Variants in KIF25 observed in about 807,000 individuals in gnomAD.
KIF25 encodes kinesin family member 25.
Under a neutral mutation model 32.9 loss-of-function variants are expected in KIF25, and 19 were observed. The ratio of observed to expected loss-of-function variants is 0.58; its 90% CI spans 0.40 to 0.85. The LOEUF is 0.85. Ranked by LOEUF, KIF25 falls within the 40% of genes least tolerant of loss-of-function variation. The pLI is 0.00. For synonymous variants in KIF25, 225 were observed against 213.7 expected (o/e 1.05, Z -0.46); for missense variants, 485 against 507.0 (o/e 0.96, Z 0.42).
At chr6:168,038,264 A>G (rs537160783) in intron 8 of KIF25, among the ~76,000 whole-genome samples, 1 of 152,236 alleles carries the variant, frequency 6.6e-6, no homozygotes, top group Non-Finnish European at 1.5e-5. Flanking sequence ...TGGGATAGTC[A>G]GGCTTCTTCG....
Position 167,998,710 on chromosome 6 carries a change from C to G in KIF25, c.-759C>G, listed in dbSNP as rs1382074511. On this transcript the variant is annotated 5_prime_UTR_variant, in exon 1 of 13. Transcript: ENST00000643607. Reference sequence around the variant, plus strand: ...TTGGTACTTATTACCAAGGGATACCCCTTTGCCAAGTGAACACATTTGTGA... The same window carrying G: ...TTGGTACTTATTACCAAGGGATACCGCTTTGCCAAGTGAACACATTTGTGA... 6.6e-6 allele frequency: 1 copy of G among 152,150 alleles called. No individual in the cohort carries two copies. The highest frequency in any genetic ancestry group is 1.5e-5 in the Non-Finnish European group (1 of 68,030). The allele number at this position is 152,150 out of a possible 1,614,324, so 9.4% of individuals were successfully genotyped here.
At position 168,042,555 on chromosome 6, in the gene KIF25, G is replaced by T; in HGVS notation, c.830-6G>T. The T allele has an allele frequency of 1.2e-6, 2 of 1,612,506 alleles. No homozygotes were observed. Among genetic ancestry groups the T allele is most frequent in the Non-Finnish European group, 8.5e-7 (1 of 1,179,126 alleles). ...AACGGTGATGGTGCGTGGCGGTCCT[G>T]TCCAGGTGTGTCTGGAGTGACCGGG... On this transcript the variant is annotated splice_region_variant and splice_polypyrimidine_tract_variant and intron_variant, in intron 11 of 12. Coordinates refer to ENST00000643607, the MANE Select transcript of KIF25 (RefSeq NM_030615.4).
intron 5 of KIF25, among the ~76,000 whole-genome samples, chr6:168,024,423 C>CTT (rs56243912): frequency 0.014 from 857 of 61,992 alleles, 55 homozygotes; most frequent in African/African-American, 0.022. Flanking sequence ...AAACCTCTCT[C>CTT]TTTTTTTTTT....
rs533395739 is a variant in KIF25 at position 168,040,072 on chromosome 6, G to A, written c.502G>A (p.Gly168Ser). The change falls in exon 10 of 13, where the codon GGC becomes AGC. Residue 168 changes from glycine to serine, a missense_variant. By Grantham distance (56) the Gly-to-Ser change is moderately conservative (BLOSUM62 0). Around this residue, in one of 2 missense-constraint regions of KIF25, gnomAD observed 480 missense variants for 470.3 expected, o/e 1.02. Transcript: ENST00000643607. ...EVALLASEAV[G>S]SASKLMELVH... is the part of the protein sequence containing the mutation. ...TGCTTGCCTTGTCTGTAGGGCTGTC[G>A]GCAGCGCCTCGAAACTGATGGAGCT... 146 of 1,612,538 alleles carry A rather than the reference G, an allele frequency of 9.1e-5. 2 individuals are homozygous for A. The South Asian group carries it at 1.4e-3, about 15-fold the overall frequency.
At position 168,039,990 on chromosome 6, in the gene KIF25, C is replaced by T. The variant is rs992365522; in HGVS notation, c.495-75C>T. The T allele has an allele frequency of 1.9e-5, 29 of 1,506,008 alleles. No homozygotes were observed. In the Admixed American group the frequency reaches 3.0e-4, roughly 15 times the overall value. The allele number at this position is 1,506,008 out of a possible 1,614,324, so 93.3% of individuals were successfully genotyped here. On this transcript the variant is annotated intron_variant, in intron 9 of 12. Transcript: ENST00000643607. The stretch of plus-strand genomic sequence containing the variant: ...GCTCATGTGAGAGGCTTCCCTGAGC[C>T]GAGGAGTCTTGGAAGTCGCCTTAGG...
In KIF25 at chr6:168,026,002, C is replaced by G. The variant is rs73260865; in HGVS notation, c.-94-3490C>G. Among the ~76,000 whole-genome samples, 565 of 152,314 alleles carry G rather than the reference C, an allele frequency of 3.7e-3. 6 individuals are homozygous for G. Among genetic ancestry groups the G allele is most frequent in the African/African-American group, 0.013 (538 of 41,562 alleles). On this transcript the variant is annotated intron_variant, in intron 5 of 12. Coordinates refer to ENST00000643607, the MANE Select transcript of KIF25 (RefSeq NM_030615.4). Reference sequence around the variant, plus strand: ...ACCTACACGTAGCCCTTGGCAGTCTCCAAGTACTTTCAGGCCGTTGGTCGT... The same window carrying G: ...ACCTACACGTAGCCCTTGGCAGTCTGCAAGTACTTTCAGGCCGTTGGTCGT...
chr6:168,027,927 C>T (rs1004268055), intron 5 of KIF25, among the ~76,000 whole-genome samples: 2 of 152,090 alleles, frequency 1.3e-5, no homozygotes, highest in African/African-American at 2.4e-5. Context: ...ATATTTAAGC[C>T]GCCGCTACTT....
chr6:168,026,550 C>T (rs989535820), intron 5 of KIF25, among the ~76,000 whole-genome samples: 6 of 151,934 alleles, frequency 3.9e-5, no homozygotes, highest in African/African-American at 1.5e-4. Flanking sequence ...ATGGAACTAA[C>T]GAATGTCAAA....
Position 168,040,064 on chromosome 6 carries a change from G to C in KIF25, c.495-1G>C, listed in dbSNP as rs770699776. ...TTCCCCACTGCTTGCCTTGTCTGTA[G>C]GGCTGTCGGCAGCGCCTCGAAACTG... On this transcript the variant is annotated splice_acceptor_variant, in intron 9 of 12. Coordinates refer to ENST00000643607, the MANE Select transcript of KIF25 (RefSeq NM_030615.4). LOFTEE classifies it high-confidence loss of function. The C allele has an allele frequency of 8.7e-6, 14 of 1,611,388 alleles. No homozygotes were observed. The highest frequency in any genetic ancestry group is 1.7e-5 in the Admixed American group (1 of 59,938).
At chr6:168,030,093 C>T (rs867010358) in intron 6 of KIF25, among the ~76,000 whole-genome samples, 55 of 152,330 alleles carry the variant, frequency 3.6e-4, no homozygotes, top group African/African-American at 1.1e-3. Context: ...GTTCTCTCAC[C>T]GTGCTCCAGG....
At chr6:168,044,677 C>A in intron 12 of KIF25, 150 bp from the exon 13 acceptor site, 1 of 777,656 alleles carries the variant, frequency 1.3e-6, no homozygotes, top group Non-Finnish European at 2.0e-6. Flanking sequence ...GACCCCCGTC[C>A]CAGGAACCTG....
intron 4 of KIF25, among the ~76,000 whole-genome samples, chr6:168,016,993 C>G (rs1028259994): frequency 6.6e-6 from 1 of 152,266 alleles, no homozygotes; most frequent in African/African-American, 2.4e-5. Context: ...CAAGACAGGA[C>G]AGGTTCACTA....
chr6:168,029,824 TC>T (rs2114898252), intron 6 of KIF25, 147 bp downstream of exon 6: 1 of 996,350 alleles, frequency 1.0e-6, no homozygotes, highest in Non-Finnish European at 1.5e-6. Flanking sequence ...CTGAGCATCT[TC>T]CCACACAGTG....
chr6:168,025,210 G>A (rs765948022), intron 5 of KIF25, among the ~76,000 whole-genome samples: 5 of 152,188 alleles, frequency 3.3e-5, no homozygotes, highest in South Asian at 4.1e-4. Context: ...ACGCGGGGAC[G>A]CTCACTGATG....
At chr6:168,009,945 G>A (rs1443980369) in intron 4 of KIF25, among the ~76,000 whole-genome samples, 5 of 151,562 alleles carry the variant, frequency 3.3e-5, no homozygotes, top group African/African-American at 7.3e-5. Flanking sequence ...GATTTTATTT[G>A]GGTCTTCCTT....
chr6:168,030,689 TTGTGTTCCCAGGTTTCTGAGTCTGCATGC>T (rs1176641148), intron 6 of KIF25, 55 bp from the exon 7 acceptor site: 20 of 969,714 alleles, frequency 2.1e-5, no homozygotes, highest in Non-Finnish European at 3.2e-5. Context: ...ACACGGGGCG[TTGTGTTCCCAGGTTTCTGAGTCTGCATGC>T]TAGAGCCGCT....
At chr6:168,028,773 GC>G (rs1798900346) in intron 5 of KIF25, among the ~76,000 whole-genome samples, 1 of 152,142 alleles carries the variant, frequency 6.6e-6, no homozygotes, top group African/African-American at 2.4e-5. Context: ...ATTTTCAGGA[GC>G]CTTTTTATCA....
At chr6:168,042,533 G>A (rs774802999) in intron 11 of KIF25, 28 bp from the exon 12 acceptor site, 5 of 1,597,742 alleles carry the variant, frequency 3.1e-6, no homozygotes, top group South Asian at 1.1e-5. Context: ...TGGTGCAAAC[G>A]GTGATGGTGC....
chr6:168,030,778 A>G lies in KIF25; in HGVS notation c.98A>G (p.Tyr33Cys). The change falls in exon 7 of 13, where the codon TAT becomes TGT. Residue 33 changes from tyrosine (Y) to cysteine (C), a missense_variant. By Grantham distance (194) the Tyr-to-Cys change is radical. This residue lies in a region of KIF25 where 480 missense variants were observed against 470.3 expected (regional missense o/e 1.02). Coordinates refer to ENST00000643607, the MANE Select transcript of KIF25 (RefSeq NM_030615.4). ...AFPDDKDLRV[Y>C]GPAESQSAVF... ...ATTTTCACTTTGTCTCTCAGGGTTT[A>G]TGGTCCAGCAGAGTCTCAGAGCGCG... is the stretch of plus-strand genomic sequence containing the variant. The G allele has an allele frequency of 6.2e-7, 1 of 1,610,430 alleles. No individual in the cohort carries two copies. The highest frequency in any genetic ancestry group is 2.2e-5 in the East Asian group (1 of 44,548).
Sources: gnomAD v4.1 joint callset for allele counts (sites outside exome capture counted in the v4.1 genomes callset) on GRCh38, gnomAD v4.1.1 for gene constraint, gnomAD v4.1.1 regional missense constraint, MANE v1.5 for transcripts, NCBI Gene and HGNC (gene_info 2026-07-23, HGNC 2026-07-21) for gene names.